Variants in KAZN observed in about 807,000 individuals in gnomAD.
The protein encoded by KAZN is kazrin.
Under a neutral mutation model 87.4 loss-of-function variants are expected in KAZN, and 40 were observed. That is an observed-to-expected ratio of 0.46 (90% CI 0.36 to 0.60). The LOEUF (loss-of-function observed/expected upper bound fraction) is 0.60. Ranked by LOEUF, KAZN falls within the 20% of genes least tolerant of loss-of-function variation. The pLI is 0.00. For synonymous variants in KAZN, 466 were observed against 458.3 expected (o/e 1.02, Z -0.22); for missense variants, 898 against 1,073.9 (o/e 0.84, Z 2.29).
intron 2 of KAZN, among the ~76,000 whole-genome samples, chr1:14,335,375 G>GT (rs1657177797): frequency 6.6e-6 from 1 of 151,912 alleles, no homozygotes; most frequent in African/African-American, 2.4e-5. Context: ...GCTAATTTTT[G>GT]TATTTTTAGT....
At chr1:14,548,238 C>T (rs1448376503) in intron 2 of KAZN, among the ~76,000 whole-genome samples, 1 of 149,588 alleles carries the variant, frequency 6.7e-6, no homozygotes, top group South Asian at 2.1e-4. Flanking sequence ...TTGCTCTGTC[C>T]CCCAGACTGG....
chr1:13,946,454 G>T (rs1470061990), intron 1 of KAZN, among the ~76,000 whole-genome samples: 2 of 152,108 alleles, frequency 1.3e-5, no homozygotes, highest in African/African-American at 4.8e-5. Context: ...GGATTAAGAA[G>T]AATCAAGAGC....
At chr1:14,457,930 G>A (rs372128415) in intron 2 of KAZN, among the ~76,000 whole-genome samples, 1 of 150,626 alleles carries the variant, frequency 6.6e-6, no homozygotes, top group Admixed American at 6.6e-5. Flanking sequence ...CCATTCTCCC[G>A]CCTCAGCCTC....
chr1:14,994,260 A>G (rs1667653873), intron 2 of KAZN, among the ~76,000 whole-genome samples: 2 of 152,210 alleles, frequency 1.3e-5, no homozygotes, highest in Admixed American at 1.3e-4. Context: ...GCACACTTGT[A>G]CCACTGCATG....
chr1:14,305,961 T>C (rs945714036), intron 2 of KAZN, among the ~76,000 whole-genome samples: 8 of 151,858 alleles, frequency 5.3e-5, no homozygotes, highest in Non-Finnish European at 1.2e-4. Context: ...CCCATGAGAG[T>C]TTAGAAAACA....
In KAZN at chr1:15,115,851, C is replaced by T. The variant is rs1462268749; in HGVS notation, c.*1216C>T. On this transcript the variant is annotated 3_prime_UTR_variant, in exon 15 of 15. Transcript: ENST00000376030. This position sits in a 1 kb window ranked among gnomAD's most constrained non-coding sequence, Gnocchi z 4.1. ...ATATCTGTAACACAATTTGTAACCT[C>T]TCAGGAGACAATGGGAAGTTATGGG... The T allele has an allele frequency of 1.3e-5, 2 of 152,186 alleles. No individual in the cohort carries two copies. Among genetic ancestry groups the T allele is most frequent in the Admixed American group, 6.5e-5 (1 of 15,286 alleles). 9.4% of individuals were successfully genotyped at this position (152,186 alleles called of 1,614,324 possible). A position where few individuals can be genotyped will look rare whatever the true frequency, so the allele number is the denominator to read the frequency against.
chr1:14,980,549 C>G (rs1356172071), intron 2 of KAZN, among the ~76,000 whole-genome samples: 2 of 152,190 alleles, frequency 1.3e-5, no homozygotes, highest in African/African-American at 4.8e-5. Flanking sequence ...TCCATCTGCA[C>G]CCCGACTCCT....
chr1:14,534,585 C>T (rs1571881205), intron 2 of KAZN, among the ~76,000 whole-genome samples: 1 of 152,090 alleles, frequency 6.6e-6, no homozygotes, highest in South Asian at 2.1e-4. Flanking sequence ...GCGGAGGTTG[C>T]AGTGAGCCGA....
At position 14,488,151 on chromosome 1, in the gene KAZN, G is replaced by A. The variant is rs1477511748; in HGVS notation, c.250-110832G>A. Among the ~76,000 whole-genome samples the A allele has an allele frequency of 2.6e-5, 4 of 152,302 alleles. No individual in the cohort carries two copies. The East Asian group carries it at 7.7e-4, about 29-fold the overall frequency. ...CAGAAGAAACCTGTCTCCCTTTTGG[G>A]CTCTCCAGAGGCCCAGACTTAAGAC... On this transcript the variant is annotated intron_variant, in intron 2 of 16. Transcript: ENST00000636203.
At position 14,537,910 on chromosome 1, in the gene KAZN, A is replaced by G. The variant is rs1261278374; in HGVS notation, c.250-61073A>G. Among the ~76,000 whole-genome samples, 4 of 152,232 alleles carry G rather than the reference A, an allele frequency of 2.6e-5. No individual in the cohort carries two copies. In the South Asian group the frequency reaches 6.2e-4, roughly 24 times the overall value. The stretch of plus-strand genomic sequence containing the variant: ...TTTTGGTTGAAAGTAATGAAAACTC[A>G]TGCAAACAAGCACAAATAATAAATA... On this transcript the variant is annotated intron_variant, in intron 2 of 16. Coordinates refer to the KAZN transcript ENST00000636203.
At chr1:14,774,763 G>A (rs1039406953) in intron 1 of KAZN, among the ~76,000 whole-genome samples, 1 of 152,066 alleles carries the variant, frequency 6.6e-6, no homozygotes, top group Non-Finnish European at 1.5e-5. Context: ...GGGACTGCAG[G>A]TGTAAGTCAC....
At chr1:14,844,325 C>A (rs1648407321) in intron 1 of KAZN, among the ~76,000 whole-genome samples, 1 of 152,164 alleles carries the variant, frequency 6.6e-6, no homozygotes, top group Admixed American at 6.5e-5. Context: ...AATAACTAGA[C>A]CTTCTCCTCT....
At chr1:15,074,502 A>C (rs986308723) in intron 8 of KAZN, among the ~76,000 whole-genome samples, 17 of 152,130 alleles carry the variant, frequency 1.1e-4, no homozygotes, top group Non-Finnish European at 2.2e-4. Context: ...CCTATCAGTG[A>C]GGGGCAGTAT....
intron 1 of KAZN, among the ~76,000 whole-genome samples, chr1:14,686,690 AGAG>A (rs1640973404): frequency 6.6e-6 from 1 of 152,220 alleles, no homozygotes; most frequent in South Asian, 2.1e-4. Context: ...CGGGAAGCCC[AGAG>A]GAGAAGGGCC....
chr1:14,958,306 A>C, intron 1 of KAZN, among the ~76,000 whole-genome samples: 1 of 151,864 alleles, frequency 6.6e-6, no homozygotes, highest in East Asian at 1.9e-4. Context: ...GCATAGGTAC[A>C]TGGAGCATTT....
chr1:14,815,988 G>A (rs1466057177), intron 1 of KAZN, among the ~76,000 whole-genome samples: 1 of 152,154 alleles, frequency 6.6e-6, no homozygotes, highest in East Asian at 1.9e-4. Flanking sequence ...TGCCCTTGGT[G>A]ACATTTCTCA....
At chr1:14,938,916 G>T (rs1660751742) in intron 1 of KAZN, among the ~76,000 whole-genome samples, 1 of 152,162 alleles carries the variant, frequency 6.6e-6, no homozygotes, top group African/African-American at 2.4e-5. Flanking sequence ...TAGATACTGT[G>T]TGCAATACAA....
chr1:14,111,104 A>C (rs970772201), intron 1 of KAZN, among the ~76,000 whole-genome samples: 1 of 134,422 alleles, frequency 7.4e-6, no homozygotes, highest in African/African-American at 2.9e-5. Flanking sequence ...ATCAATATTC[A>C]TCCACACAGC....
intron 1 of KAZN, among the ~76,000 whole-genome samples, chr1:14,171,455 A>T (rs539683428): frequency 2.0e-5 from 3 of 152,108 alleles, no homozygotes; most frequent in South Asian, 4.1e-4. Context: ...TCCAGCATCA[A>T]CTTTTGACTT....
Sources: gnomAD v4.1 joint callset for allele counts (sites outside exome capture counted in the v4.1 genomes callset) on GRCh38, gnomAD v4.1.1 for gene constraint, Gnocchi (gnomAD v3.1) non-coding constraint, MANE v1.5 for transcripts, NCBI Gene and HGNC (gene_info 2026-07-23, HGNC 2026-07-21) for gene names.